Variants in CDKAL1 observed in about 807,000 individuals in gnomAD.
CDKAL1 encodes CDKAL1 threonylcarbamoyladenosine tRNA methylthiotransferase, also known as threonylcarbamoyladenosine tRNA methylthiotransferase.
A neutral mutation model predicts 68.2 loss-of-function variants in CDKAL1; 32 were observed. The observed-to-expected ratio is 0.47, with a 90% CI of 0.35 to 0.63. The LOEUF is 0.63. Among genes scored for constraint, CDKAL1 ranks in the 30% least tolerant of loss-of-function variants. The probability of loss-of-function intolerance (pLI) is 0.00; values close to 1 mark genes in which losing one functional copy is unlikely to be tolerated. For synonymous variants in CDKAL1, 234 were observed against 244.3 expected (o/e 0.96, Z 0.39); for missense variants, 606 against 696.7 (o/e 0.87, Z 1.47).
chr6:20,990,732 G>A (rs1766746844), intron 10 of CDKAL1, among the ~76,000 whole-genome samples: 1 of 152,220 alleles, frequency 6.6e-6, no homozygotes, highest in Non-Finnish European at 1.5e-5. Context: ...AGCTGTTACA[G>A]TGCCATTAAT....
At chr6:20,642,840 TAAAG>T (rs1285219577) in intron 4 of CDKAL1, among the ~76,000 whole-genome samples, 4 of 152,122 alleles carry the variant, frequency 2.6e-5, no homozygotes, top group Non-Finnish European at 1.5e-5. Flanking sequence ...CTGTTTGTAA[TAAAG>T]AAAGACTGTA....
At chr6:20,960,463 T>C (rs1473767278) in intron 10 of CDKAL1, among the ~76,000 whole-genome samples, 2 of 152,250 alleles carry the variant, frequency 1.3e-5, no homozygotes, top group Admixed American at 6.5e-5. Flanking sequence ...CTGTGCTTCA[T>C]AGTACCCCTG....
At chr6:20,724,157 C>T (rs925008648) in intron 5 of CDKAL1, among the ~76,000 whole-genome samples, 3 of 152,004 alleles carry the variant, frequency 2.0e-5, no homozygotes, top group African/African-American at 7.2e-5. Flanking sequence ...AGGCTGGTCT[C>T]GAACTCCTGA....
intron 5 of CDKAL1, among the ~76,000 whole-genome samples, chr6:20,666,450 GACCC>G (rs71801092): frequency 0.053 from 8,113 of 152,010 alleles, 681 homozygotes; most frequent in African/African-American, 0.18. Context: ...TGTGTTTTAT[GACCC>G]TCTCCTACAG....
chr6:20,840,714 A>C (rs1778141625), intron 8 of CDKAL1, among the ~76,000 whole-genome samples: 1 of 152,238 alleles, frequency 6.6e-6, no homozygotes, highest in African/African-American at 2.4e-5. Context: ...GTATTATGTT[A>C]TCATTTGAAG....
intron 8 of CDKAL1, among the ~76,000 whole-genome samples, chr6:20,838,723 A>C (rs941634867): frequency 1.3e-5 from 2 of 152,172 alleles, no homozygotes; most frequent in African/African-American, 4.8e-5. Flanking sequence ...CTGTAATCCC[A>C]GCACTTTGGA....
intron 13 of CDKAL1, among the ~76,000 whole-genome samples, chr6:21,163,688 T>C (rs6914598): frequency 0.38 from 57,120 of 152,026 alleles, 11,605 homozygotes; most frequent in African/African-American, 0.54. Flanking sequence ...CGGTGGCTCA[T>C]GCCTGTAATC....
intron 15 of CDKAL1, among the ~76,000 whole-genome samples, chr6:21,224,528 C>T (rs140034943): frequency 0.02 from 3,023 of 151,836 alleles, 101 homozygotes; most frequent in African/African-American, 0.068. Context: ...TAATAATAAA[C>T]AATAACAATA....
At chr6:20,537,962 TTATGA>T (rs1763241721) in intron 2 of CDKAL1, among the ~76,000 whole-genome samples, 3 of 152,254 alleles carry the variant, frequency 2.0e-5, no homozygotes, top group African/African-American at 4.8e-5. Context: ...ATTTAGGTAC[TTATGA>T]TATACAGCCA....
At chr6:20,990,684 T>C (rs1202126525) in intron 10 of CDKAL1, among the ~76,000 whole-genome samples, 1 of 152,254 alleles carries the variant, frequency 6.6e-6, no homozygotes, top group African/African-American at 2.4e-5. Flanking sequence ...GTATTAGTAA[T>C]TGCTAGAGTA....
intron 5 of CDKAL1, among the ~76,000 whole-genome samples, chr6:20,726,894 A>T (rs962706798): frequency 6.6e-6 from 1 of 152,184 alleles, no homozygotes; most frequent in African/African-American, 2.4e-5. Flanking sequence ...ATGAGATGGA[A>T]TTTCACTATC....
intron 4 of CDKAL1, among the ~76,000 whole-genome samples, chr6:20,566,246 T>A (rs1359924712): frequency 6.6e-6 from 1 of 152,188 alleles, no homozygotes; most frequent in South Asian, 2.1e-4. Flanking sequence ...TTTGCCTGGT[T>A]CCTTTAGATG....
At chr6:21,114,497 C>T (rs1333620352) in intron 13 of CDKAL1, among the ~76,000 whole-genome samples, 2 of 152,134 alleles carry the variant, frequency 1.3e-5, no homozygotes, top group Non-Finnish European at 2.9e-5. Context: ...ATTTGGGAGA[C>T]TGTGGTGGGA....
intron 13 of CDKAL1, among the ~76,000 whole-genome samples, chr6:21,192,258 T>C (rs1778286040): frequency 6.6e-6 from 1 of 150,806 alleles, no homozygotes; most frequent in Non-Finnish European, 1.5e-5. Context: ...CCTGACCTCA[T>C]GATCCACCCG....
In CDKAL1 at chr6:20,756,919, CCTTCCCT is replaced by C. The variant is rs1434252598; in HGVS notation, c.469-1674_469-1668del. On this transcript the variant is annotated intron_variant, in intron 6 of 15. Coordinates refer to ENST00000274695, the MANE Select transcript of CDKAL1 (RefSeq NM_017774.3). ...TCCTTCCTTCCTTCCTTCCTTCCTT[CCTTCCCT>C]CCTTCCCTTCCTTCCCTCCTTCCTT... Among the ~76,000 whole-genome samples the C allele has an allele frequency of 5.9e-5, 7 of 118,968 alleles. 1 individual carries two copies. The East Asian group carries it at 1.5e-3, about 25-fold the overall frequency. The allele number at this position is 118,968 out of a possible 152,430, so 78.0% of individuals were successfully genotyped here.
chr6:21,202,326 G>A (rs1004120548), intron 15 of CDKAL1, among the ~76,000 whole-genome samples: 1 of 151,882 alleles, frequency 6.6e-6, no homozygotes, highest in Non-Finnish European at 1.5e-5. Flanking sequence ...CCTACCAAAT[G>A]CATCAGCCTG....
At chr6:20,960,360 G>A (rs1164096660) in intron 10 of CDKAL1, among the ~76,000 whole-genome samples, 2 of 152,158 alleles carry the variant, frequency 1.3e-5, no homozygotes, top group Admixed American at 6.5e-5. Context: ...CCAGTTAGCC[G>A]CTGAACTGGT....
At chr6:20,749,713 AT>A (rs1773831588) in intron 6 of CDKAL1, among the ~76,000 whole-genome samples, 1 of 150,840 alleles carries the variant, frequency 6.6e-6, no homozygotes, top group Non-Finnish European at 1.5e-5. Flanking sequence ...AAGCCTGGCT[AT>A]TTTTTTGTAT....
At chr6:21,191,609 C>T (rs1778240825) in intron 13 of CDKAL1, among the ~76,000 whole-genome samples, 1 of 151,846 alleles carries the variant, frequency 6.6e-6, no homozygotes, top group Non-Finnish European at 1.5e-5. Context: ...TCTTCTGCCA[C>T]TGCCACTGCC....
Sources: gnomAD v4.1 joint callset for allele counts (sites outside exome capture counted in the v4.1 genomes callset) on GRCh38, gnomAD v4.1.1 for gene constraint, MANE v1.5 for transcripts, NCBI Gene and HGNC (gene_info 2026-07-23, HGNC 2026-07-21) for gene names.